Variants in LHFPL4 observed in about 807,000 individuals in gnomAD.
The protein encoded by LHFPL4 is LHFPL tetraspan subfamily member 4 protein.
LHFPL4 carries 6 observed loss-of-function variants against 20.0 expected under a neutral mutation model. The ratio of observed to expected loss-of-function variants is 0.30; its 90% CI spans 0.16 to 0.59. LHFPL4 has a LOEUF of 0.59. Ranked by LOEUF, LHFPL4 falls within the 20% of genes least tolerant of loss-of-function variation. The pLI, the probability that LHFPL4 is intolerant of heterozygous loss-of-function variation, is 0.88. For synonymous variants in LHFPL4, 129 were observed against 143.8 expected (o/e 0.90, Z 0.74); for missense variants, 215 against 331.2 (o/e 0.65, Z 2.72).
At chr3:9,532,766 C>T (rs1259841558) in intron 2 of LHFPL4, among the ~76,000 whole-genome samples, 1 of 152,190 alleles carries the variant, frequency 6.6e-6, no homozygotes, top group Admixed American at 6.5e-5. Context: ...GGGGATCAGG[C>T]TGGGTGTGCT....
Position 9,513,350 on chromosome 3 carries a change from CT to C in LHFPL4, c.407-7148del, listed in dbSNP as rs1485943120. ...TTTTGCGACAGGTCTTGCTCTGTCACTTGTTTTGTCTTGCTCTGTCACCAAG... is the reference window on the plus strand; with the variant it reads ...TTTTGCGACAGGTCTTGCTCTGTCACTGTTTTGTCTTGCTCTGTCACCAAG... On this transcript the variant is annotated intron_variant, in intron 2 of 3. Transcript: ENST00000287585. 5.3e-5 allele frequency among the ~76,000 whole-genome samples: 8 copies of C among 151,824 alleles called. No homozygotes were observed. In the East Asian group the frequency reaches 1.6e-3, roughly 30 times the overall value.
intron 3 of LHFPL4, among the ~76,000 whole-genome samples, chr3:9,503,450 C>T (rs1221583342): frequency 1.3e-5 from 2 of 152,194 alleles, no homozygotes; most frequent in Non-Finnish European, 2.9e-5. Context: ...TGAGGGACTG[C>T]ATCAGGTATT....
chr3:9,519,513 T>C (rs1356376558), intron 2 of LHFPL4, among the ~76,000 whole-genome samples: 1 of 152,192 alleles, frequency 6.6e-6, no homozygotes, highest in East Asian at 1.9e-4. Context: ...TTTCTTGTTT[T>C]CAATTCACCT....
At chr3:9,535,782 C>T (rs1051772575) in intron 2 of LHFPL4, among the ~76,000 whole-genome samples, 5 of 151,902 alleles carry the variant, frequency 3.3e-5, no homozygotes, top group African/African-American at 1.2e-4. Context: ...CGCTTGCTTG[C>T]TTTCCTATAT....
At chr3:9,523,989 C>G (rs970496739) in intron 2 of LHFPL4, among the ~76,000 whole-genome samples, 10 of 141,502 alleles carry the variant, frequency 7.1e-5, no homozygotes, top group South Asian at 2.5e-4. Flanking sequence ...TATTTCCCCC[C>G]CCCCCAACAC....
At position 9,500,996 on chromosome 3, in the gene LHFPL4, C is replaced by CCACATA. The variant is rs1439268745; in HGVS notation, c.*1209_*1214dup. ...GCACACACACGCACACACATTTCAC[C>CCACATA]CACATACACATACACTCATGCCTCG... On this transcript the variant is annotated 3_prime_UTR_variant, in exon 4 of 4. Transcript: ENST00000287585. 1 of 152,982 alleles carries CCACATA rather than the reference C, an allele frequency of 6.5e-6. No individual in the cohort carries two copies. The highest frequency in any genetic ancestry group is 1.5e-5 in the Non-Finnish European group (1 of 68,446). The allele number at this position is 152,982 out of a possible 1,614,324, so 9.5% of individuals were successfully genotyped here. A position where few individuals can be genotyped will look rare whatever the true frequency, so the allele number is the denominator to read the frequency against.
chr3:9,502,271 C>A lies in LHFPL4; in HGVS notation c.684G>T (p.Gly228=). The A allele has an allele frequency of 1.9e-6, 3 of 1,614,000 alleles. No homozygotes were observed. Among genetic ancestry groups the A allele is most frequent in the Non-Finnish European group, 2.5e-6 (3 of 1,179,948 alleles). ...GSTVSSVLRP[G]GDVSGWGVLP... is the part of the protein sequence containing the mutation. ...GGACTCCCCATCCAGAGACATCACC[C>A]CCGGGCCGCAACACGGAGCTTACTG... The change falls in exon 4 of 4, where the codon GGG becomes GGT. Residue 228 remains glycine, a synonymous_variant. Coordinates refer to ENST00000287585, the MANE Select transcript of LHFPL4 (RefSeq NM_198560.3).
chr3:9,505,833 A>G, intron 3 of LHFPL4, 134 bp downstream of exon 3: 1 of 836,286 alleles, frequency 1.2e-6, no homozygotes, highest in Non-Finnish European at 2.0e-6. Flanking sequence ...TGCTGGGATT[A>G]TAGGCGTGAG....
chr3:9,522,242 C>T (rs1246408279), intron 2 of LHFPL4, among the ~76,000 whole-genome samples: 1 of 151,796 alleles, frequency 6.6e-6, no homozygotes, highest in Middle Eastern at 3.4e-3. Flanking sequence ...GATCTGCCCG[C>T]CTTGGCCTCC....
intron 2 of LHFPL4, among the ~76,000 whole-genome samples, chr3:9,535,020 AG>A (rs2046436478): frequency 6.6e-6 from 1 of 152,088 alleles, no homozygotes; most frequent in South Asian, 2.1e-4. Flanking sequence ...TAATGAAGGA[AG>A]GGAGGAAAGA....
chr3:9,505,797 G>A (rs866635562), intron 3 of LHFPL4, among the ~76,000 whole-genome samples, 170 bp downstream of exon 3: 7 of 152,258 alleles, frequency 4.6e-5, no homozygotes, highest in South Asian at 2.1e-4. Flanking sequence ...GGGCTCAAGC[G>A]ATCTACCTGC....
chr3:9,514,774 A>C (rs1007468004), intron 2 of LHFPL4, among the ~76,000 whole-genome samples: 1 of 152,200 alleles, frequency 6.6e-6, no homozygotes, highest in South Asian at 2.1e-4. Context: ...TAGCCTTTTC[A>C]GACTTGGACT....
intron 2 of LHFPL4, among the ~76,000 whole-genome samples, chr3:9,529,654 A>T (rs2046396951): frequency 6.6e-6 from 1 of 151,408 alleles, no homozygotes; most frequent in African/African-American, 2.4e-5. Flanking sequence ...TTTTTTTTTG[A>T]GATGGAGGCT....
chr3:9,538,684 T>TA (rs1191581386), intron 2 of LHFPL4, among the ~76,000 whole-genome samples: 3 of 150,448 alleles, frequency 2.0e-5, no homozygotes, highest in Non-Finnish European at 2.9e-5. Context: ...AGTCAGAATT[T>TA]AAATTCAGGT....
chr3:9,519,029 C>A (rs2046321356), intron 2 of LHFPL4, among the ~76,000 whole-genome samples: 1 of 152,058 alleles, frequency 6.6e-6, no homozygotes. Context: ...CCTCTGCCTC[C>A]TGGGTTCAAG....
chr3:9,533,056 T>C (rs904649280), intron 2 of LHFPL4, among the ~76,000 whole-genome samples: 8 of 152,124 alleles, frequency 5.3e-5, no homozygotes, highest in African/African-American at 1.9e-4. Flanking sequence ...AGGACCCTCC[T>C]CAGCAAGAGA....
chr3:9,502,948 C>T (rs1459901194), intron 3 of LHFPL4, among the ~76,000 whole-genome samples: 1 of 152,040 alleles, frequency 6.6e-6, no homozygotes, highest in Non-Finnish European at 1.5e-5. Context: ...GAAATGGAAG[C>T]AATTTATTTA....
At chr3:9,521,788 G>A (rs934753889) in intron 2 of LHFPL4, among the ~76,000 whole-genome samples, 3 of 151,840 alleles carry the variant, frequency 2.0e-5, no homozygotes, top group African/African-American at 7.3e-5. Flanking sequence ...ATATTTAAGT[G>A]GGTTTCTTAA....
intron 2 of LHFPL4, among the ~76,000 whole-genome samples, chr3:9,515,516 G>A (rs1215818796): frequency 6.6e-6 from 1 of 152,066 alleles, no homozygotes; most frequent in Admixed American, 6.6e-5. Flanking sequence ...TGGGACTACA[G>A]GCATGCTCTA....
Sources: gnomAD v4.1 joint callset for allele counts (sites outside exome capture counted in the v4.1 genomes callset) on GRCh38, gnomAD v4.1.1 for gene constraint, MANE v1.5 for transcripts, NCBI Gene and HGNC (gene_info 2026-07-23, HGNC 2026-07-21) for gene names.